The following CTSH variants were observed in gnomAD, a reference collection of about 807,000 sequenced individuals.
CTSH encodes cathepsin H, also known as pro-cathepsin H.
In CTSH, 52 loss-of-function variants were observed where a neutral mutation model predicts 56.3. The observed-to-expected ratio is 0.92, with a 90% CI of 0.74 to 1.16. CTSH has a LOEUF of 1.16. Among genes scored for constraint, CTSH ranks in the 50% most tolerant of loss-of-function variants. CTSH has a pLI of 0.00. For missense variants in CTSH, 406 were observed against 424.5 expected, an observed-to-expected ratio of 0.96 and a Z score of 0.38; for synonymous variants, 174 against 155.7, an observed-to-expected ratio of 1.12 and a Z score of -0.88.
chr15:78,937,701 C>T lies in CTSH; in HGVS notation c.124-278G>A, dbSNP rs1275508757. 7.3e-6 allele frequency: 10 copies of T among 1,368,972 alleles called. No individual in the cohort carries two copies. In the Admixed American group the frequency reaches 8.8e-5, roughly 12 times the overall value. 84.8% of individuals were successfully genotyped at this position (1,368,972 alleles called of 1,614,324 possible). ...GTGAACAAACCTGCCACATGTGGGGCACTCCTGGACGCCACTGCTGGTGCT... is the reference window on the plus strand; with the variant it reads ...GTGAACAAACCTGCCACATGTGGGGTACTCCTGGACGCCACTGCTGGTGCT... On this transcript the variant is annotated intron_variant, in intron 2 of 11. Transcript: ENST00000220166.
chr15:78,935,218 C>T (rs2055150966), intron 4 of CTSH, 136 bp from the exon 5 acceptor site: 1 of 640,408 alleles, frequency 1.6e-6, no homozygotes, highest in Non-Finnish European at 2.7e-6. Flanking sequence ...AACCTTCCCT[C>T]TCCTGTCTAC....
chr15:78,929,546 G>A, intron 7 of CTSH, 53 bp from the exon 8 acceptor site: 4 of 1,310,360 alleles, frequency 3.1e-6, no homozygotes, highest in Non-Finnish European at 4.3e-6. Context: ...GATAGAGGCG[G>A]GGCCCTCGGG....
At chr15:78,926,890 A>C (rs1449774419) in intron 9 of CTSH, 1 of 152,208 alleles carries the variant, frequency 6.6e-6, no homozygotes, top group African/African-American at 2.4e-5. Flanking sequence ...CCATCAAGTT[A>C]AGATGTTATT....
intron 6 of CTSH, 112 bp downstream of exon 6, chr15:78,932,260 C>G (rs1051123846): frequency 6.3e-6 from 6 of 958,498 alleles, no homozygotes; most frequent in African/African-American, 1.6e-5. Flanking sequence ...GCATCTGGGT[C>G]CACCTGAAAC....
intron 9 of CTSH, chr15:78,925,652 C>A: frequency 2.0e-6 from 1 of 494,984 alleles, no homozygotes; most frequent in Admixed American, 3.2e-5. Context: ...CTAGGAAACC[C>A]TGCACCCTCT....
intron 2 of CTSH, among the ~76,000 whole-genome samples, chr15:78,938,299 G>A (rs981922203): frequency 3.9e-5 from 6 of 152,114 alleles, no homozygotes; most frequent in African/African-American, 1.4e-4. Flanking sequence ...AACCCAGAAG[G>A]TGGAGGTTGC....
chr15:78,922,308 C>G (rs1266940565), intron 11 of CTSH, 103 bp from the exon 12 acceptor site: 1 of 875,830 alleles, frequency 1.1e-6, no homozygotes, highest in Non-Finnish European at 1.9e-6. Context: ...GGGTGAGACC[C>G]TCTAAATTTA....
chr15:78,939,025 A>C, intron 2 of CTSH, 115 bp downstream of exon 2: 2 of 951,416 alleles, frequency 2.1e-6, no homozygotes, highest in Non-Finnish European at 3.3e-6. Context: ...GAAAGACCCC[A>C]CTAGGCAAAG....
rs373219279 is a variant in CTSH, at chr15:78,935,144, CAAG to C, written c.301-65_301-63del. 344 of 1,123,888 alleles carry C rather than the reference CAAG, an allele frequency of 3.1e-4. 1 individual carries two copies. The African/African-American group carries it at 4.7e-3, about 15-fold the overall frequency. 69.6% of individuals were successfully genotyped at this position (1,123,888 alleles called of 1,614,324 possible). A position where few individuals can be genotyped will look rare whatever the true frequency, so the allele number is the denominator to read the frequency against. On this transcript the variant is annotated intron_variant, in intron 4 of 11. Coordinates refer to ENST00000220166, the MANE Select transcript of CTSH (RefSeq NM_004390.5). Reference sequence around the variant, plus strand: ...ACAAAACCAAAAACCTTTCTGACAACAAGAAGAAGAAATGTATAAACATGGAAT... The same window carrying C: ...ACAAAACCAAAAACCTTTCTGACAACAAGAAGAAATGTATAAACATGGAAT...
chr15:78,931,356 G>C (rs1324732463), intron 7 of CTSH, 95 bp downstream of exon 7: 1 of 1,530,800 alleles, frequency 6.5e-7, no homozygotes, highest in African/African-American at 1.4e-5. Flanking sequence ...GCAGTGGTGG[G>C]TTATATCTGT....
At chr15:78,931,951 A>T in intron 6 of CTSH, 1 of 1,166,330 alleles carries the variant, frequency 8.6e-7, no homozygotes, top group African/African-American at 1.6e-5. Flanking sequence ...AGGGGCTAGG[A>T]TAGTTCCTTC....
intron 1 of CTSH, chr15:78,944,655 G>A (rs1352288947): frequency 4.6e-6 from 3 of 648,444 alleles, no homozygotes; most frequent in Non-Finnish European, 4.6e-6. Context: ...TGGCTAGGTG[G>A]GACCCTGGAC....
chr15:78,941,489 A>G (rs1324244854), intron 1 of CTSH, among the ~76,000 whole-genome samples: 1 of 145,030 alleles, frequency 6.9e-6, no homozygotes, highest in East Asian at 2.1e-4. Flanking sequence ...ACATCTGTGA[A>G]TATTATAAAA....
chr15:78,934,935 T>C (rs745804659), intron 5 of CTSH, 43 bp downstream of exon 5: 7 of 1,259,370 alleles, frequency 5.6e-6, no homozygotes, highest in South Asian at 1.2e-5. Flanking sequence ...TGTCTGGGAG[T>C]GTGGCCGTTT....
At chr15:78,924,114 T>A (rs888893438) in intron 10 of CTSH, among the ~76,000 whole-genome samples, 1 of 21,196 alleles carries the variant, frequency 4.7e-5, no homozygotes, top group Non-Finnish European at 8.2e-5. Context: ...GGGGGGAGGG[T>A]GGGCAGGGTG....
chr15:78,941,422 TAAAAAAAAAAAAAA>T (rs35226827), intron 1 of CTSH, among the ~76,000 whole-genome samples: 1 of 48,436 alleles, frequency 2.1e-5, no homozygotes, highest in South Asian at 1.4e-3. Context: ...AGACTCTGTC[TAAAAAAAAAAAAAA>T]AAAAAAAAAA....
Position 78,934,970 on chromosome 15 carries a change from A to G in CTSH, c.405+8T>C, listed in dbSNP as rs1287337332. On this transcript the variant is annotated splice_region_variant and intron_variant, in intron 5 of 11. Coordinates refer to ENST00000220166, the MANE Select transcript of CTSH (RefSeq NM_004390.5). ...TTGCAGGGAGAGGATGGAGATTGCC[A>G]GGCATACCTGATTTTTCACAGGTGA... The G allele has an allele frequency of 2.5e-6, 4 of 1,591,806 alleles. No homozygotes were observed. Among genetic ancestry groups the G allele is most frequent in the Non-Finnish European group, 3.4e-6 (4 of 1,159,604 alleles).
intron 8 of CTSH, among the ~76,000 whole-genome samples, chr15:78,928,402 TA>T (rs2054964334): frequency 7.2e-6 from 1 of 138,468 alleles, no homozygotes; most frequent in African/African-American, 2.6e-5. Context: ...CTGTCTCTAC[TA>T]AAAATATAAA....
chr15:78,939,933 G>GT (rs147686426), intron 1 of CTSH, among the ~76,000 whole-genome samples: 1,622 of 152,304 alleles, frequency 0.011, 44 homozygotes, highest in African/African-American at 0.038. Context: ...GGCAAGCACT[G>GT]TTTTTCCTTA....
Sources: gnomAD v4.1 joint callset for allele counts (sites outside exome capture counted in the v4.1 genomes callset) on GRCh38, gnomAD v4.1.1 for gene constraint, MANE v1.5 for transcripts, NCBI Gene and HGNC (gene_info 2026-07-23, HGNC 2026-07-21) for gene names.